The following STX8 variants were observed in gnomAD, a reference collection of about 807,000 sequenced individuals.
The protein encoded by STX8 is syntaxin-8.
In STX8, 23 loss-of-function variants were observed where a neutral mutation model predicts 37.5. The observed-to-expected ratio is 0.61, with a 90% CI of 0.44 to 0.87. STX8 has a LOEUF of 0.87. Among genes scored for constraint, STX8 ranks in the 40% least tolerant of loss-of-function variants. STX8 has a pLI of 0.00. For synonymous variants in STX8, 115 were observed against 99.1 expected (o/e 1.16, Z -0.95); for missense variants, 313 against 284.7 (o/e 1.10, Z -0.71).
chr17:9,559,517 AAAAGAAACACAAAAAAG>A (rs1907120859), intron 2 of STX8, among the ~76,000 whole-genome samples: 1 of 151,550 alleles, frequency 6.6e-6, no homozygotes, highest in African/African-American at 2.4e-5. Flanking sequence ...AATTATAAAC[AAAAGAAACACAAAAAAG>A]AAAGAAAAAC....
At chr17:9,310,866 C>A (rs1334719159) in intron 7 of STX8, among the ~76,000 whole-genome samples, 3 of 152,108 alleles carry the variant, frequency 2.0e-5, no homozygotes, top group Non-Finnish European at 4.4e-5. Flanking sequence ...GAACACAATC[C>A]TAGTTTGATA....
chr17:9,431,870 G>T (rs1913997840), intron 6 of STX8, among the ~76,000 whole-genome samples: 1 of 152,178 alleles, frequency 6.6e-6, no homozygotes, highest in Non-Finnish European at 1.5e-5. Flanking sequence ...TTTCCTTTCT[G>T]AAGTCAGAGT....
intron 6 of STX8, among the ~76,000 whole-genome samples, chr17:9,430,114 T>A (rs1392638913): frequency 2.3e-5 from 2 of 86,136 alleles, no homozygotes; most frequent in African/African-American, 1.1e-4. Context: ...ATTTTATATA[T>A]AAATAAATAT....
rs543196070 is a variant in STX8 at position 9,506,169 on chromosome 17, C to G, written c.324-1007G>C. On this transcript the variant is annotated intron_variant, in intron 4 of 7. Transcript: ENST00000306357. ...AAACACATGATTTCCACCTCAGTCC[C>G]CATGTTTTCAGGATTTTTCTCCTCT... is the stretch of plus-strand genomic sequence containing the variant. 2.0e-3 allele frequency among the ~76,000 whole-genome samples: 301 copies of G among 152,146 alleles called. 2 individuals carry two copies. The highest frequency in any genetic ancestry group is 3.6e-3 in the Non-Finnish European group (248 of 68,012).
chr17:9,570,231 GC>G (rs1597750956), intron 1 of STX8, among the ~76,000 whole-genome samples: 1 of 151,704 alleles, frequency 6.6e-6, no homozygotes, highest in Non-Finnish European at 1.5e-5. Context: ...AGGAAAATGC[GC>G]CCATCAATTC....
intron 6 of STX8, among the ~76,000 whole-genome samples, chr17:9,437,484 T>A (rs182467178): frequency 6.6e-6 from 1 of 152,344 alleles, no homozygotes; most frequent in Admixed American, 6.5e-5. Context: ...ATCTTTTAAC[T>A]GGCTCATGAG....
chr17:9,544,041 C>G (rs1378576850), intron 4 of STX8, among the ~76,000 whole-genome samples: 10 of 152,166 alleles, frequency 6.6e-5, no homozygotes, highest in Admixed American at 6.6e-4. Context: ...CCCTCCACCG[C>G]AATCCCACTC....
chr17:9,378,964 G>A (rs1188358475), intron 6 of STX8, among the ~76,000 whole-genome samples: 2 of 152,120 alleles, frequency 1.3e-5, no homozygotes, highest in Non-Finnish European at 2.9e-5. Flanking sequence ...GAACAGACAG[G>A]CCAGGCACGG....
rs150565741 is a variant in STX8, at chr17:9,322,917, A to C, written c.643+55635T>G. ...TTTTATGAGGAAAAAAAAAAACACA[A>C]ACACACACACTGGAAGAAACCAAAA... On this transcript the variant is annotated intron_variant, in intron 7 of 7. Transcript: ENST00000306357. Among the ~76,000 whole-genome samples, 616 of 151,780 alleles carry C rather than the reference A, an allele frequency of 4.1e-3. 6 individuals are homozygous for C. The highest frequency in any genetic ancestry group is 0.017 in the Middle Eastern group (5 of 294).
chr17:9,438,695 G>A (rs1017552069), intron 6 of STX8, among the ~76,000 whole-genome samples: 17 of 152,086 alleles, frequency 1.1e-4, no homozygotes, highest in Non-Finnish European at 1.0e-4. Context: ...TTGGGAGGCC[G>A]AGGCAGGTGG....
intron 6 of STX8, among the ~76,000 whole-genome samples, chr17:9,437,584 TTA>T (rs1904480879): frequency 6.6e-6 from 1 of 152,240 alleles, no homozygotes. Context: ...CATTTACTCT[TTA>T]TGAGTTGATT....
At chr17:9,396,370 G>A (rs900599952) in intron 6 of STX8, among the ~76,000 whole-genome samples, 2 of 150,152 alleles carry the variant, frequency 1.3e-5, no homozygotes, top group Admixed American at 1.3e-4. Flanking sequence ...GGAATTTGGG[G>A]GGGCGGGGTG....
intron 7 of STX8, among the ~76,000 whole-genome samples, chr17:9,300,830 CTTTTTTTTTTTTTT>C (rs1164799565): frequency 1.1e-5 from 1 of 90,908 alleles, no homozygotes; most frequent in Non-Finnish European, 2.1e-5. Context: ...TTATTTTGTT[CTTTTTTTTTTTTTT>C]TTTTTTTTGA....
chr17:9,423,245 G>C (rs1292376613), intron 6 of STX8, among the ~76,000 whole-genome samples: 1 of 152,178 alleles, frequency 6.6e-6, no homozygotes, highest in African/African-American at 2.4e-5. Flanking sequence ...GCTAAATGAG[G>C]AAACTATGGT....
At chr17:9,440,999 G>A (rs1352397389) in intron 6 of STX8, among the ~76,000 whole-genome samples, 1 of 152,094 alleles carries the variant, frequency 6.6e-6, no homozygotes, top group African/African-American at 2.4e-5. Flanking sequence ...CCCAGGGGTT[G>A]ACTCCACTCC....
chr17:9,288,431 A>G (rs574217302), intron 7 of STX8, among the ~76,000 whole-genome samples: 9 of 151,612 alleles, frequency 5.9e-5, no homozygotes, highest in South Asian at 2.1e-4. Flanking sequence ...GGAGGCCGAG[A>G]CGGGTGGATC....
intron 7 of STX8, among the ~76,000 whole-genome samples, chr17:9,315,750 G>A (rs1361178716): frequency 1.3e-5 from 2 of 152,132 alleles, no homozygotes; most frequent in African/African-American, 2.4e-5. Flanking sequence ...GGTGGCTCAC[G>A]CCTGTAATCC....
intron 4 of STX8, among the ~76,000 whole-genome samples, chr17:9,543,080 T>C (rs1448692175): frequency 6.6e-6 from 1 of 152,158 alleles, no homozygotes; most frequent in African/African-American, 2.4e-5. Flanking sequence ...GTGCAAAACA[T>C]GCTCTTCTCA....
chr17:9,506,413 CCCCCCCCA>C (rs1904833437), intron 4 of STX8, among the ~76,000 whole-genome samples: 5 of 86,060 alleles, frequency 5.8e-5, no homozygotes, highest in African/African-American at 2.4e-4. Flanking sequence ...CCGCTCCCCC[CCCCCCCCA>C]CCCACCTTTC....
Sources: allele counts gnomAD v4.1 joint callset (sites outside exome capture counted in the v4.1 genomes callset), GRCh38; gene constraint gnomAD v4.1.1; transcripts MANE v1.5; gene names NCBI Gene and HGNC (gene_info 2026-07-23, HGNC 2026-07-21).